The following DPP8 variants were observed in gnomAD, a reference collection of about 807,000 sequenced individuals.
The protein encoded by DPP8 is DPP VIII.
A neutral mutation model predicts 107.5 loss-of-function variants in DPP8; 31 were observed. The observed-to-expected ratio is 0.29, with a 90% CI of 0.22 to 0.39. The LOEUF (loss-of-function observed/expected upper bound fraction) is 0.39. Among genes scored for constraint, DPP8 ranks in the 10% least tolerant of loss-of-function variants. The pLI is 1.00. For missense variants in DPP8, 842 were observed against 1,076.1 expected, an observed-to-expected ratio of 0.78 and a Z score of 3.04; for synonymous variants, 381 against 356.6, an observed-to-expected ratio of 1.07 and a Z score of -0.77.
chr15:65,475,941 T>C (rs903643989), intron 11 of DPP8, among the ~76,000 whole-genome samples: 15 of 152,078 alleles, frequency 9.9e-5, no homozygotes, highest in African/African-American at 2.4e-4. Context: ...TTTGTAGAGA[T>C]GGGGTTTTGC....
chr15:65,464,001 C>A (rs1195991548), intron 14 of DPP8, 95 bp from the exon 15 acceptor site: 22 of 877,960 alleles, frequency 2.5e-5, no homozygotes, highest in Non-Finnish European at 3.3e-5. Context: ...GTCAGCCCCG[C>A]CAACACAAAC....
At chr15:65,454,550 G>T in intron 16 of DPP8, 135 bp from the exon 17 acceptor site, 1 of 748,974 alleles carries the variant, frequency 1.3e-6, no homozygotes, top group African/African-American at 1.9e-5. Flanking sequence ...TTTTTGAGAT[G>T]GAGTCTCACT....
chr15:65,463,869 A>G lies in DPP8; in HGVS notation c.1863T>C (p.Ser621=), dbSNP rs1168698206. The change falls in exon 15 of 20, where the codon TCT becomes TCC. Residue 621 remains serine, a synonymous_variant. Coordinates refer to ENST00000300141, the MANE Select transcript of DPP8 (RefSeq NM_130434.5). ...ATGTAAATCCAGTAGTACTTTCAAA[A>G]GAGAAAATTTCTGGAGGAGTATAGT... ...LPDYTPPEIF[S]FESTTGFTLY... 6.3e-7 allele frequency: 1 copy of G among 1,596,532 alleles called. No homozygotes were observed. Among genetic ancestry groups the G allele is most frequent in the East Asian group, 2.2e-5 (1 of 44,730 alleles).
At chr15:65,490,359 A>G in intron 5 of DPP8, 60 bp from the exon 6 acceptor site, 1 of 1,025,996 alleles carries the variant, frequency 9.7e-7, no homozygotes, top group Non-Finnish European at 1.5e-6. Flanking sequence ...GGTACAAAGC[A>G]AAATGATTCA....
At position 65,466,787 on chromosome 15, in the gene DPP8, A is replaced by G; in HGVS notation, c.1716T>C (p.Tyr572=). Residue 572 remains tyrosine (Y), a synonymous_variant, in exon 14 of 20, where the codon TAT becomes TAC. Coordinates refer to ENST00000300141, the MANE Select transcript of DPP8 (RefSeq NM_130434.5). The part of the protein sequence containing the change: ...SQHCDFFISK[Y]SNQKNPHCVS... ...CACAGTGTGGATTCTTCTGGTTACT[A>G]TACTTACTTATAAAGAAGTCACAGT... The G allele has an allele frequency of 6.2e-7, 1 of 1,613,844 alleles. No individual in the cohort carries two copies. Among genetic ancestry groups the G allele is most frequent in the Non-Finnish European group, 8.5e-7 (1 of 1,179,876 alleles).
At chr15:65,449,701 C>T (rs533422045) in intron 19 of DPP8, among the ~76,000 whole-genome samples, 1 of 151,994 alleles carries the variant, frequency 6.6e-6, no homozygotes, top group East Asian at 1.9e-4. Flanking sequence ...TGAGCCACTG[C>T]GACCGGCCCC....
chr15:65,493,531 A>G (rs1483240414), intron 5 of DPP8, among the ~76,000 whole-genome samples: 2 of 152,180 alleles, frequency 1.3e-5, no homozygotes, highest in East Asian at 1.9e-4. Context: ...AAGTTTATCA[A>G]TATCCTCAGG....
Position 65,446,811 on chromosome 15 carries a change from GT to G in DPP8, c.*72del, listed in dbSNP as rs1269330456. The G allele has an allele frequency of 7.0e-6, 10 of 1,434,796 alleles. No individual in the cohort carries two copies. The highest frequency in any genetic ancestry group is 4.6e-5 in the Admixed American group (2 of 43,432). The allele number at this position is 1,434,796 out of a possible 1,614,324, so 88.9% of individuals were successfully genotyped here. A position where few individuals can be genotyped will look rare whatever the true frequency, so the allele number is the denominator to read the frequency against. ...ATCAAAATGTGATGATCAATTCTGTGTTTTCTGTTGATTAAACCTCCTCATT... is the reference window on the plus strand; with the variant it reads ...ATCAAAATGTGATGATCAATTCTGTGTTTCTGTTGATTAAACCTCCTCATT... On this transcript the variant is annotated 3_prime_UTR_variant, in exon 20 of 20. Transcript: ENST00000300141.
At chr15:65,464,997 T>C (rs1306396573) in intron 14 of DPP8, among the ~76,000 whole-genome samples, 2 of 152,052 alleles carry the variant, frequency 1.3e-5, no homozygotes, top group Non-Finnish European at 2.9e-5. Context: ...CAGAAAAAAG[T>C]CATCATTAGC....
chr15:65,451,311 T>C (rs2063960682), intron 18 of DPP8, among the ~76,000 whole-genome samples: 1 of 152,218 alleles, frequency 6.6e-6, no homozygotes, highest in Non-Finnish European at 1.5e-5. Context: ...GATCTTGTGT[T>C]CAATTTTTTA....
intron 13 of DPP8, 36 bp downstream of exon 13, chr15:65,467,035 A>G (rs771781997): frequency 5.6e-6 from 9 of 1,610,340 alleles, no homozygotes; most frequent in Middle Eastern, 3.3e-4. Context: ...GAGAGTTTTA[A>G]TATGACACAA....
At chr15:65,485,469 GGGAGGT>G (rs1275576397) in intron 7 of DPP8, among the ~76,000 whole-genome samples, 1 of 149,366 alleles carries the variant, frequency 6.7e-6, no homozygotes, top group Non-Finnish European at 1.5e-5. Flanking sequence ...ACTTGAACCT[GGGAGGT>G]GGAGAATGCA....
intron 6 of DPP8, among the ~76,000 whole-genome samples, chr15:65,489,413 C>CTTTTT (rs71924792): frequency 0.18 from 19,220 of 104,178 alleles, 4,544 homozygotes; most frequent in East Asian, 0.73. Context: ...ATATAATCTA[C>CTTTTT]TTTTTTTTTT....
rs762924231 is a variant in DPP8, at chr15:65,474,253, T to C, written c.1492A>G (p.Ile498Val). 11 of 1,612,724 alleles carry C rather than the reference T, an allele frequency of 6.8e-6. No individual in the cohort carries two copies. In the East Asian group the frequency reaches 1.1e-4, roughly 16 times the overall value. ...FKCPIKEEIA[I>V]TSGEWEVLGR... ...AGAACTTCCCATTCACCACTGGTAA[T>C]TGCTATCTCCTCTTTGATAGGACAC... is the stretch of plus-strand genomic sequence containing the variant. The change falls in exon 12 of 20, where the codon ATT (isoleucine) becomes GTT (valine). Residue 498 changes from isoleucine to valine, a missense_variant. Physicochemically the swap from Ile to Val is conservative, Grantham distance 29 (BLOSUM62 3). Coordinates refer to ENST00000300141, the MANE Select transcript of DPP8 (RefSeq NM_130434.5).
intron 11 of DPP8, 133 bp downstream of exon 11, chr15:65,478,747 G>T: frequency 1.6e-6 from 1 of 613,724 alleles, no homozygotes; most frequent in Non-Finnish European, 2.8e-6. Flanking sequence ...TTATGTTTTA[G>T]TTTAACTTAC....
chr15:65,485,068 G>A (rs370419543), intron 8 of DPP8, 31 bp downstream of exon 8: 31 of 1,546,806 alleles, frequency 2.0e-5, no homozygotes, highest in Middle Eastern at 1.7e-4. Context: ...GTCAAATGAC[G>A]CAGAAGGTCA....
At chr15:65,500,530 T>C (rs2069106809) in intron 4 of DPP8, 76 bp downstream of exon 4, 3 of 1,182,160 alleles carry the variant, frequency 2.5e-6, no homozygotes, top group East Asian at 2.4e-5. Context: ...GTTTGTTTAT[T>C]AATTACCTTT....
At chr15:65,504,374 A>C (rs1334294607) in intron 3 of DPP8, among the ~76,000 whole-genome samples, 3 of 145,066 alleles carry the variant, frequency 2.1e-5, no homozygotes, top group Admixed American at 6.9e-5. Flanking sequence ...AAAAAAAAAA[A>C]AAAAAATTGT....
chr15:65,489,503 T>C (rs555355237), intron 6 of DPP8, among the ~76,000 whole-genome samples: 67 of 134,078 alleles, frequency 5.0e-4, no homozygotes, highest in Non-Finnish European at 8.6e-4. Flanking sequence ...AAGCTCCACC[T>C]CCCAGGTTCA....
Sources: allele counts gnomAD v4.1 joint callset (sites outside exome capture counted in the v4.1 genomes callset), GRCh38; gene constraint gnomAD v4.1.1; transcripts MANE v1.5; gene names NCBI Gene and HGNC (gene_info 2026-07-23, HGNC 2026-07-21).